The following SUPT3H variants were observed in gnomAD, a reference collection of about 807,000 sequenced individuals.
The protein encoded by SUPT3H is transcription initiation protein SPT3 homolog.
A neutral mutation model predicts 44.3 loss-of-function variants in SUPT3H; 44 were observed. The observed-to-expected ratio is 0.99, with a 90% CI of 0.78 to 1.28. The LOEUF (loss-of-function observed/expected upper bound fraction) is 1.28. Among genes scored for constraint, SUPT3H ranks in the 50% most tolerant of loss-of-function variants. The probability of loss-of-function intolerance (pLI) is 0.00; values close to 1 mark genes in which losing one functional copy is unlikely to be tolerated. For missense variants in SUPT3H, 380 were observed against 387.1 expected, an observed-to-expected ratio of 0.98 and a Z score of 0.15; for synonymous variants, 124 against 125.6, an observed-to-expected ratio of 0.99 and a Z score of 0.09.
chr6:45,219,117 G>A (rs1765570669), intron 2 of SUPT3H, among the ~76,000 whole-genome samples: 1 of 151,606 alleles, frequency 6.6e-6, no homozygotes, highest in South Asian at 2.1e-4. Context: ...AGAGGAAAAA[G>A]AAACTCATAT....
chr6:45,346,156 G>A (rs1164861952), intron 2 of SUPT3H, among the ~76,000 whole-genome samples: 2 of 148,266 alleles, frequency 1.3e-5, no homozygotes, highest in Admixed American at 6.7e-5. Flanking sequence ...ATACTTACCT[G>A]CATCTACCAC....
chr6:45,202,588 A>C (rs578195011), intron 2 of SUPT3H, among the ~76,000 whole-genome samples: 2 of 152,186 alleles, frequency 1.3e-5, no homozygotes, highest in East Asian at 3.9e-4. Context: ...TGCCTAAATA[A>C]TTGTATCCAT....
At chr6:45,371,742 T>C (rs1796097369) in intron 1 of SUPT3H, 1 of 706,122 alleles carries the variant, frequency 1.4e-6, no homozygotes, top group Non-Finnish European at 1.7e-6. Flanking sequence ...AATTCTTTGT[T>C]TAAAAGAAAA....
chr6:45,005,696 G>A (rs867194752), intron 5 of SUPT3H, among the ~76,000 whole-genome samples: 13 of 98,306 alleles, frequency 1.3e-4, no homozygotes, highest in African/African-American at 4.8e-4. Flanking sequence ...TGCAAAACTC[G>A]TCTCAAAAAA....
At chr6:45,134,071 A>C (rs1385130566) in intron 2 of SUPT3H, among the ~76,000 whole-genome samples, 1 of 152,172 alleles carries the variant, frequency 6.6e-6, no homozygotes, top group East Asian at 1.9e-4. Flanking sequence ...AGAATGAGTA[A>C]TTTATAAAGA....
chr6:45,260,787 G>A (rs1584545730), intron 2 of SUPT3H, among the ~76,000 whole-genome samples: 1 of 151,976 alleles, frequency 6.6e-6, no homozygotes, highest in Non-Finnish European at 1.5e-5. Flanking sequence ...AACAATGAAG[G>A]AACTTCTTAC....
intron 2 of SUPT3H, among the ~76,000 whole-genome samples, chr6:45,255,611 TG>T (rs907381857): frequency 2.6e-5 from 4 of 151,814 alleles, no homozygotes; most frequent in Non-Finnish European, 4.4e-5. Flanking sequence ...TTTGTAGAAA[TG>T]GGGTCTCACT....
intron 2 of SUPT3H, among the ~76,000 whole-genome samples, chr6:45,204,792 T>G (rs528052709): frequency 6.6e-6 from 1 of 152,304 alleles, no homozygotes; most frequent in East Asian, 1.9e-4. Flanking sequence ...ATCACCTTAA[T>G]TTTTGATTCC....
At chr6:44,956,686 T>A (rs1775269812) in intron 7 of SUPT3H, among the ~76,000 whole-genome samples, 1 of 152,100 alleles carries the variant, frequency 6.6e-6, no homozygotes, top group South Asian at 2.1e-4. Flanking sequence ...GATATTTCCC[T>A]ATTAAACCAT....
intron 2 of SUPT3H, among the ~76,000 whole-genome samples, chr6:45,144,671 G>GA (rs1805750362): frequency 6.6e-6 from 1 of 151,912 alleles, no homozygotes; most frequent in African/African-American, 2.4e-5. Flanking sequence ...AGACAAAAAC[G>GA]AAAGAAATAA....
chr6:45,098,547 G>A (rs1411503626), intron 3 of SUPT3H: 2 of 287,692 alleles, frequency 7.0e-6, no homozygotes, highest in African/African-American at 2.3e-5. Context: ...GTATAAGAGA[G>A]GAGAGGAACA....
At chr6:44,972,397 G>C (rs1248713446) in intron 6 of SUPT3H, among the ~76,000 whole-genome samples, 1 of 152,162 alleles carries the variant, frequency 6.6e-6, no homozygotes, top group Non-Finnish European at 1.5e-5. Context: ...TGGGGTCCCA[G>C]GGCCTCTTGT....
At chr6:45,170,770 C>T (rs1009688418) in intron 2 of SUPT3H, among the ~76,000 whole-genome samples, 8 of 152,178 alleles carry the variant, frequency 5.3e-5, no homozygotes, top group African/African-American at 1.9e-4. Context: ...TCCATAGGTC[C>T]TAACGTTTCT....
intron 2 of SUPT3H, among the ~76,000 whole-genome samples, chr6:45,341,091 A>G (rs1047922154): frequency 6.6e-5 from 10 of 152,228 alleles, no homozygotes; most frequent in African/African-American, 2.4e-4. Context: ...ATACTGCACA[A>G]GATTCTAAGA....
At chr6:45,300,950 G>A (rs1175211414) in intron 2 of SUPT3H, among the ~76,000 whole-genome samples, 1 of 152,192 alleles carries the variant, frequency 6.6e-6, no homozygotes. Context: ...TGATCTCAGA[G>A]TGAGCTCTGG....
At chr6:45,281,432 C>A (rs1204003445) in intron 2 of SUPT3H, among the ~76,000 whole-genome samples, 1 of 152,230 alleles carries the variant, frequency 6.6e-6, no homozygotes, top group African/African-American at 2.4e-5. Context: ...AAATGGCACA[C>A]CAGGAGATTA....
intron 3 of SUPT3H, among the ~76,000 whole-genome samples, chr6:45,053,332 A>C (rs1790601899): frequency 1.3e-5 from 2 of 152,056 alleles, no homozygotes; most frequent in African/African-American, 4.8e-5. Flanking sequence ...AAACAACAGC[A>C]ATTGGTGGCA....
chr6:45,038,312 T>A (rs547331726), intron 3 of SUPT3H, among the ~76,000 whole-genome samples: 1 of 152,326 alleles, frequency 6.6e-6, no homozygotes, highest in African/African-American at 2.4e-5. Context: ...ATCAAAGTAC[T>A]TTCTTCTTTA....
At chr6:45,118,894 A>C (rs1801207784) in intron 2 of SUPT3H, among the ~76,000 whole-genome samples, 1 of 152,182 alleles carries the variant, frequency 6.6e-6, no homozygotes, top group Non-Finnish European at 1.5e-5. Context: ...GAAGTGCTTA[A>C]GCATTTCAAC....
Sources: allele counts gnomAD v4.1 joint callset (sites outside exome capture counted in the v4.1 genomes callset), GRCh38; gene constraint gnomAD v4.1.1; transcripts MANE v1.5; gene names NCBI Gene and HGNC (gene_info 2026-07-23, HGNC 2026-07-21).